RDX: variants seen among roughly 807,000 people sequenced by gnomAD.
RDX encodes radixin.
RDX carries 32 observed loss-of-function variants against 83.7 expected under a neutral mutation model. The ratio of observed to expected loss-of-function variants is 0.38; its 90% CI spans 0.29 to 0.51. The LOEUF is 0.51. Ranked by LOEUF, RDX falls within the 20% of genes least tolerant of loss-of-function variation. The probability of loss-of-function intolerance (pLI) is 0.87; values close to 1 mark genes in which losing one functional copy is unlikely to be tolerated. For synonymous variants in RDX, 229 were observed against 222.7 expected (o/e 1.03, Z -0.25); for missense variants, 600 against 689.9 (o/e 0.87, Z 1.46).
At chr11:110,272,696 T>A in intron 2 of RDX, 77 bp from the exon 3 acceptor site, 2 of 916,378 alleles carry the variant, frequency 2.2e-6, no homozygotes, top group South Asian at 1.5e-5. Context: ...TTTTCTTTAT[T>A]AAAGTGATAA....
At position 110,196,385 on chromosome 11, in the gene RDX, T is replaced by G. The variant is rs118153835; in HGVS notation, c.*31+3196A>C. On this transcript the variant is annotated intron_variant, in intron 15 of 15. Coordinates refer to the RDX transcript ENST00000528498. Reference sequence around the variant, plus strand: ...TAATGATGTACAGATTGTATCAAAATAAAGGTGCGTCCACAAACTCTACAC... The same window carrying G: ...TAATGATGTACAGATTGTATCAAAAGAAAGGTGCGTCCACAAACTCTACAC... 7.2e-4 allele frequency among the ~76,000 whole-genome samples: 109 copies of G among 152,074 alleles called. No individual in the cohort carries two copies. The East Asian group carries it at 0.02, about 28-fold the overall frequency.
intron 1 of RDX, among the ~76,000 whole-genome samples, chr11:110,284,002 TAAA>T (rs1231000255): frequency 6.6e-6 from 1 of 151,750 alleles, no homozygotes; most frequent in Admixed American, 6.6e-5. Flanking sequence ...AAACTTACGT[TAAA>T]AAAAACACAC....
rs533889952 is a variant in RDX, at chr11:110,245,899, A to T, written c.1090+1804T>A. On this transcript the variant is annotated intron_variant, in intron 10 of 13. Coordinates refer to ENST00000645495, the MANE Select transcript of RDX (RefSeq NM_002906.4). ...CTTCTTGAAGATGGAATTCACTTTG[A>T]TATTTGCTGGGACAGTAACTGAATG... 3.3e-5 allele frequency among the ~76,000 whole-genome samples: 5 copies of T among 152,264 alleles called. No individual in the cohort carries two copies. In the South Asian group the frequency reaches 1.0e-3, roughly 32 times the overall value.
At chr11:110,214,484 T>C (rs1393477125) in intron 14 of RDX, among the ~76,000 whole-genome samples, 1 of 134,896 alleles carries the variant, frequency 7.4e-6, no homozygotes, top group African/African-American at 2.8e-5. Flanking sequence ...AGCCATCCCA[T>C]TACTGGGTAT....
chr11:110,237,921 T>C (rs1349399333), intron 10 of RDX: 2 of 379,068 alleles, frequency 5.3e-6, no homozygotes, highest in South Asian at 2.9e-5. Flanking sequence ...ACAGGCGCTA[T>C]ACCTCGTTTC....
chr11:110,176,522 T>C (rs1226001382), intron 15 of RDX, among the ~76,000 whole-genome samples: 1 of 152,032 alleles, frequency 6.6e-6, no homozygotes, highest in African/African-American at 2.4e-5. Context: ...CCTGGGGACA[T>C]TGCCATCACC....
chr11:110,268,964 T>C lies in RDX; in HGVS notation c.96+3572A>G, dbSNP rs547997771. Among the ~76,000 whole-genome samples, 6 of 149,446 alleles carry C rather than the reference T, an allele frequency of 4.0e-5. No individual in the cohort carries two copies. In the East Asian group the frequency reaches 1.2e-3, roughly 29 times the overall value. On this transcript the variant is annotated intron_variant, in intron 3 of 13. Transcript: ENST00000645495. ...TAAAAATGTTTAAAAATACATATTA[T>C]ATATACATATATATATATTTTTTTA...
intron 10 of RDX, among the ~76,000 whole-genome samples, chr11:110,241,067 A>AC (rs1460253225): frequency 6.7e-6 from 1 of 149,734 alleles, no homozygotes; most frequent in Non-Finnish European, 1.5e-5. Context: ...AAAAAAAAAA[A>AC]AAAAAAAAGG....
chr11:110,285,439 T>C (rs1160333636), intron 1 of RDX, among the ~76,000 whole-genome samples: 4 of 148,752 alleles, frequency 2.7e-5, no homozygotes, highest in Non-Finnish European at 6.0e-5. Context: ...TCTGGCTAGG[T>C]ATGGTGGCTC....
chr11:110,233,568 G>A, intron 12 of RDX, 89 bp from the exon 13 acceptor site: 2 of 1,358,442 alleles, frequency 1.5e-6, no homozygotes, highest in Admixed American at 2.0e-5. Flanking sequence ...AATAGAAACT[G>A]TATTTCAAGG....
At chr11:110,241,075 A>AG (rs1163295523) in intron 10 of RDX, among the ~76,000 whole-genome samples, 1,980 of 134,078 alleles carry the variant, frequency 0.015, 37 homozygotes, top group Non-Finnish European at 0.022. Flanking sequence ...AAAAAAAAAA[A>AG]GGGGCGGGGG....
At position 110,257,864 on chromosome 11, in the gene RDX, A is replaced by G. The variant is rs200979844; in HGVS notation, c.601T>C (p.Tyr201His). 1.9e-5 allele frequency: 31 copies of G among 1,612,424 alleles called. No homozygotes were observed. Among genetic ancestry groups the G allele is most frequent in the Non-Finnish European group, 2.5e-5 (30 of 1,178,774 alleles). The change falls in exon 7 of 14, where the codon TAT becomes CAT. Residue 201 changes from tyrosine (Y) to histidine (H), a missense_variant. By Grantham distance (83) the Tyr-to-His change is moderately conservative. Coordinates refer to ENST00000645495, the MANE Select transcript of RDX (RefSeq NM_002906.4). The stretch of plus-strand genomic sequence containing the variant: ...TTTATTTCAAAATAGTTGACTCCAT[A>G]CATTTCTAGATCTTGTGCAATCTTC... ...YLKIAQDLEMYGVNYFEIKNK... is the reference protein window; with the variant it reads ...YLKIAQDLEMHGVNYFEIKNK...
Position 110,233,410 on chromosome 11 carries a change from G to A in RDX, c.1414C>T (p.Pro472Ser). ...ELKTVMSAPP[P>S]PPPPPVIPPT... is the part of the protein sequence containing the mutation. ...GGAATGACTGGTGGTGGTGGAGGTG[G>A]AGGGGGGGCAGACATCACAGTTTTT... is the stretch of plus-strand genomic sequence containing the variant. The change falls in exon 13 of 14, where the codon CCA becomes TCA. Residue 472 changes from proline (P) to serine (S), a missense_variant. Physicochemically the swap from Pro to Ser is moderately conservative, Grantham distance 74. Coordinates refer to ENST00000645495, the MANE Select transcript of RDX (RefSeq NM_002906.4). 6.2e-7 allele frequency: 1 copy of A among 1,614,110 alleles called. No homozygotes were observed. Among genetic ancestry groups the A allele is most frequent in the Non-Finnish European group, 8.5e-7 (1 of 1,180,016 alleles).
chr11:110,286,765 G>C (rs549878994), intron 1 of RDX, among the ~76,000 whole-genome samples: 1 of 152,260 alleles, frequency 6.6e-6, no homozygotes, highest in East Asian at 1.9e-4. Flanking sequence ...GCACAACAAA[G>C]AACAGTATAA....
intron 10 of RDX, among the ~76,000 whole-genome samples, chr11:110,239,592 T>G (rs1175474684): frequency 6.6e-6 from 1 of 152,176 alleles, no homozygotes; most frequent in East Asian, 1.9e-4. Context: ...TTCATCACTA[T>G]AATCACAGAA....
chr11:110,206,620 T>A (rs975469927), intron 14 of RDX, among the ~76,000 whole-genome samples: 1 of 152,234 alleles, frequency 6.6e-6, no homozygotes, highest in South Asian at 2.1e-4. Context: ...TATATATACA[T>A]ATATTCCATC....
intron 14 of RDX, among the ~76,000 whole-genome samples, chr11:110,206,187 G>A (rs1378572316): frequency 6.8e-6 from 1 of 146,828 alleles, no homozygotes. Flanking sequence ...AACCCAGGAG[G>A]CAGAGGTTGC....
intron 10 of RDX, among the ~76,000 whole-genome samples, chr11:110,245,827 A>C (rs887832551): frequency 1.3e-5 from 2 of 152,234 alleles, no homozygotes; most frequent in African/African-American, 4.8e-5. Context: ...CACAAGGTGT[A>C]TCCAAAATGA....
intron 2 of RDX, among the ~76,000 whole-genome samples, chr11:110,273,837 C>A (rs769409008): frequency 6.6e-6 from 1 of 152,194 alleles, no homozygotes; most frequent in Non-Finnish European, 1.5e-5. Context: ...CCAGTATAAA[C>A]CTGTAGCGAT....
Sources: allele counts gnomAD v4.1 joint callset (sites outside exome capture counted in the v4.1 genomes callset), GRCh38; gene constraint gnomAD v4.1.1; transcripts MANE v1.5; gene names NCBI Gene and HGNC (gene_info 2026-07-23, HGNC 2026-07-21).